Variants in FAT3 observed in about 807,000 individuals in gnomAD.
FAT3 encodes protocadherin Fat 3.
A neutral mutation model predicts 310.2 loss-of-function variants in FAT3; 95 were observed. The ratio of observed to expected loss-of-function variants is 0.31; its 90% CI spans 0.26 to 0.36. FAT3 has a LOEUF of 0.36. Ranked by LOEUF, FAT3 falls within the 10% of genes least tolerant of loss-of-function variation. FAT3 has a pLI of 1.00. For synonymous variants in FAT3, 2,314 were observed against 2,192.9 expected (o/e 1.06, Z -1.54); for missense variants, 5,408 against 5,715.6 (o/e 0.95, Z 1.74).
At chr11:92,823,440 G>A (rs1172327857) in intron 13 of FAT3, among the ~76,000 whole-genome samples, 2 of 152,168 alleles carry the variant, frequency 1.3e-5, no homozygotes, top group Non-Finnish European at 2.9e-5. Flanking sequence ...AATGGGGCCA[G>A]TTTTATAGGT....
chr11:92,531,237 G>T (rs533973819), intron 3 of FAT3, among the ~76,000 whole-genome samples: 1 of 152,282 alleles, frequency 6.6e-6, no homozygotes, highest in East Asian at 1.9e-4. Context: ...AACAAATCGG[G>T]CTTATGCAGA....
At chr11:92,851,462 T>G (rs1948827322) in intron 19 of FAT3, among the ~76,000 whole-genome samples, 1 of 152,152 alleles carries the variant, frequency 6.6e-6, no homozygotes, top group South Asian at 2.1e-4. Context: ...GGCCACACAG[T>G]GACTAAATTA....
chr11:92,254,029 C>T (rs998181880), intron 1 of FAT3, among the ~76,000 whole-genome samples: 4 of 152,154 alleles, frequency 2.6e-5, no homozygotes, highest in Non-Finnish European at 5.9e-5. Flanking sequence ...TTCACAGAAG[C>T]TCCAAATTCA....
intron 26 of FAT3, among the ~76,000 whole-genome samples, chr11:92,889,605 A>T (rs1319623939): frequency 1.3e-5 from 2 of 152,218 alleles, no homozygotes; most frequent in African/African-American, 4.8e-5. Flanking sequence ...TATTATGGAT[A>T]CTTATTTCAA....
intron 7 of FAT3, among the ~76,000 whole-genome samples, chr11:92,781,519 T>C (rs912840080): frequency 2.0e-5 from 3 of 152,156 alleles, no homozygotes; most frequent in African/African-American, 7.2e-5. Context: ...CTGCTTCTTC[T>C]CAAAATCATA....
At chr11:92,732,747 A>G (rs1037006199) in intron 4 of FAT3, among the ~76,000 whole-genome samples, 1 of 152,250 alleles carries the variant, frequency 6.6e-6, no homozygotes, top group East Asian at 1.9e-4. Context: ...TAATTATTCA[A>G]TAAACATTTA....
At chr11:92,419,763 G>C (rs1205658112) in intron 2 of FAT3, among the ~76,000 whole-genome samples, 1 of 152,120 alleles carries the variant, frequency 6.6e-6, no homozygotes. Flanking sequence ...TCTTAAAGGA[G>C]ATAAATGAGA....
At chr11:92,575,731 T>C (rs1938446646) in intron 3 of FAT3, among the ~76,000 whole-genome samples, 1 of 152,172 alleles carries the variant, frequency 6.6e-6, no homozygotes, top group Non-Finnish European at 1.5e-5. Flanking sequence ...TCTTTCCTTC[T>C]TCCCCTCCCT....
intron 19 of FAT3, among the ~76,000 whole-genome samples, chr11:92,848,007 G>A (rs566779251): frequency 6.6e-6 from 1 of 152,108 alleles, no homozygotes; most frequent in Admixed American, 6.5e-5. Context: ...GTTTACTCTA[G>A]GAGGTCGGCA....
chr11:92,676,754 G>A (rs1352372179), intron 3 of FAT3, among the ~76,000 whole-genome samples: 4 of 152,150 alleles, frequency 2.6e-5, no homozygotes. Context: ...ATATATTTAG[G>A]CCTGAAAGAG....
At chr11:92,678,957 A>C (rs772177632) in intron 3 of FAT3, among the ~76,000 whole-genome samples, 1 of 152,142 alleles carries the variant, frequency 6.6e-6, no homozygotes, top group African/African-American at 2.4e-5. Flanking sequence ...TAGCTTTCTC[A>C]TCACCCTTCT....
intron 3 of FAT3, among the ~76,000 whole-genome samples, chr11:92,534,512 A>G (rs1954183793): frequency 6.6e-6 from 1 of 152,218 alleles, no homozygotes; most frequent in African/African-American, 2.4e-5. Flanking sequence ...TAGGTGTGTT[A>G]GGGGTTGAAT....
intron 2 of FAT3, among the ~76,000 whole-genome samples, chr11:92,430,124 G>A (rs1950732558): frequency 6.6e-6 from 1 of 152,014 alleles, no homozygotes; most frequent in African/African-American, 2.4e-5. Context: ...ATTTCATTAA[G>A]TTGATCTTCA....
chr11:92,450,098 C>G (rs1410824097), intron 2 of FAT3, among the ~76,000 whole-genome samples: 1 of 152,214 alleles, frequency 6.6e-6, no homozygotes, highest in Non-Finnish European at 1.5e-5. Context: ...GCCCCTGCAC[C>G]AATCGGCTTT....
intron 13 of FAT3, among the ~76,000 whole-genome samples, chr11:92,812,573 C>T (rs1947706277): frequency 6.8e-6 from 1 of 148,074 alleles, no homozygotes. Flanking sequence ...CAGAGCAAGA[C>T]TCCATCTCAA....
At chr11:92,763,470 C>A (rs1016815672) in intron 5 of FAT3, among the ~76,000 whole-genome samples, 2 of 152,104 alleles carry the variant, frequency 1.3e-5, no homozygotes, top group Admixed American at 1.3e-4. Flanking sequence ...CTGTTGGTGT[C>A]CTGCCCCAAT....
intron 2 of FAT3, among the ~76,000 whole-genome samples, chr11:92,430,822 C>T (rs1237115120): frequency 6.6e-6 from 1 of 152,044 alleles, no homozygotes; most frequent in Non-Finnish European, 1.5e-5. Context: ...CATCCATGTC[C>T]CTACAAGGGA....
At chr11:92,632,537 C>T (rs1293765656) in intron 3 of FAT3, among the ~76,000 whole-genome samples, 1 of 152,194 alleles carries the variant, frequency 6.6e-6, no homozygotes, top group Non-Finnish European at 1.5e-5. Context: ...CCTGACTGCT[C>T]CTGAAGATTA....
chr11:92,691,444 G>GT (rs1943796079), intron 3 of FAT3, among the ~76,000 whole-genome samples: 1 of 152,098 alleles, frequency 6.6e-6, no homozygotes, highest in Non-Finnish European at 1.5e-5. Context: ...CACCCAGGCT[G>GT]TAGTGCAGTG....
Sources: allele counts gnomAD v4.1 joint callset (sites outside exome capture counted in the v4.1 genomes callset), GRCh38; gene constraint gnomAD v4.1.1; transcripts MANE v1.5; gene names NCBI Gene and HGNC (gene_info 2026-07-23, HGNC 2026-07-21).